Variants in DOK5 observed in about 807,000 individuals in gnomAD.
DOK5 encodes downstream of tyrosine kinase 5.
In DOK5, 27 loss-of-function variants were observed where a neutral mutation model predicts 43.3. That is an observed-to-expected ratio of 0.62 (90% CI 0.46 to 0.86). DOK5 has a LOEUF of 0.86. DOK5 is among the 40% of genes least tolerant of loss of function. The pLI, the probability that DOK5 is intolerant of heterozygous loss-of-function variation, is 0.00. For synonymous variants in DOK5, 146 were observed against 140.1 expected, an observed-to-expected ratio of 1.04 and a Z score of -0.30; for missense variants, 373 against 392.9, an observed-to-expected ratio of 0.95 and a Z score of 0.43.
At chr20:54,613,145 G>T (rs1986703310) in intron 6 of DOK5, among the ~76,000 whole-genome samples, 1 of 152,020 alleles carries the variant, frequency 6.6e-6, no homozygotes, top group Non-Finnish European at 1.5e-5. Flanking sequence ...AAAATGGCTG[G>T]AGGATTATCT....
intron 6 of DOK5, among the ~76,000 whole-genome samples, chr20:54,637,414 G>T (rs1198717384): frequency 6.6e-6 from 1 of 152,188 alleles, no homozygotes; most frequent in African/African-American, 2.4e-5. Flanking sequence ...TACTCTTGTG[G>T]GATCTTGAGC....
rs572306032 is a variant in DOK5, at chr20:54,547,234, A to G, written c.67-7699A>G. On this transcript the variant is annotated intron_variant, in intron 1 of 7. Coordinates refer to ENST00000262593, the MANE Select transcript of DOK5 (RefSeq NM_018431.5). ...ATTTGCTGAGTTGAGTAGTTGCAAT[A>G]GCGACCTGGGGGCTCTCAAAGATTA... Among the ~76,000 whole-genome samples, 10 of 152,312 alleles carry G rather than the reference A, an allele frequency of 6.6e-5. No individual in the cohort carries two copies. In the East Asian group the frequency reaches 1.9e-3, roughly 29 times the overall value.
At chr20:54,628,098 C>G (rs919053681) in intron 6 of DOK5, among the ~76,000 whole-genome samples, 1 of 152,160 alleles carries the variant, frequency 6.6e-6, no homozygotes, top group African/African-American at 2.4e-5. Flanking sequence ...TTCATCACAT[C>G]GGCGCTAGCC....
chr20:54,509,165 C>T (rs924981654), intron 1 of DOK5, among the ~76,000 whole-genome samples: 7 of 152,034 alleles, frequency 4.6e-5, no homozygotes, highest in Admixed American at 1.3e-4. Context: ...TGTGAGCCAC[C>T]GCACCCGGCC....
intron 7 of DOK5, among the ~76,000 whole-genome samples, chr20:54,644,718 A>AACAAAAAAAAAAAAAAAC (rs1979306870): frequency 7.0e-6 from 1 of 142,500 alleles, no homozygotes; most frequent in African/African-American, 2.9e-5. Flanking sequence ...AAAAAAAAAA[A>AACAAAAAAAAAAAAAAAC]AAAAAACAAA....
At chr20:54,618,173 T>A (rs997648318) in intron 6 of DOK5, among the ~76,000 whole-genome samples, 1 of 152,182 alleles carries the variant, frequency 6.6e-6, no homozygotes, top group African/African-American at 2.4e-5. Flanking sequence ...ATGTTCAGCA[T>A]GGCGAAGTCA....
chr20:54,584,296 T>A (rs994335224), intron 2 of DOK5, among the ~76,000 whole-genome samples: 2 of 151,862 alleles, frequency 1.3e-5, no homozygotes, highest in Non-Finnish European at 2.9e-5. Context: ...TTCTTTAGGG[T>A]CATATTTTGA....
intron 5 of DOK5, among the ~76,000 whole-genome samples, chr20:54,593,935 G>A (rs1400385120): frequency 6.6e-6 from 1 of 152,168 alleles, no homozygotes; most frequent in Admixed American, 6.5e-5. Context: ...ATAAGTGGGA[G>A]TTAAATCATG....
Position 54,650,442 on chromosome 20 carries a change from G to A in DOK5, c.884G>A (p.Arg295Gln), listed in dbSNP as rs142008881. 42 of 1,613,920 alleles carry A rather than the reference G, an allele frequency of 2.6e-5. 2 individuals are homozygous for A. The African/African-American group carries it at 4.7e-4, about 18-fold the overall frequency. Residue 295 changes from arginine (R) to glutamine (Q), a missense_variant, in exon 8 of 8, where the codon CGA (arginine) becomes CAA (glutamine). Arg to Gln is a conservative substitution (Grantham distance 43). Coordinates refer to ENST00000262593, the MANE Select transcript of DOK5 (RefSeq NM_018431.5). ...GTTTCCAGCCCTCTGAAGCTTCATC[G>A]AACAGAGACTTTTCCAGCCTACAGA... ...QDVSSPLKLHRTETFPAYRSE... is the reference protein window; with the variant it reads ...QDVSSPLKLHQTETFPAYRSE...
chr20:54,542,996 G>C (rs1478333298), intron 1 of DOK5, among the ~76,000 whole-genome samples: 1 of 152,164 alleles, frequency 6.6e-6, no homozygotes, highest in Non-Finnish European at 1.5e-5. Context: ...TTAGAGTAGA[G>C]TAGCATAGAG....
At chr20:54,602,680 A>AATG (rs1986333339) in intron 5 of DOK5, among the ~76,000 whole-genome samples, 1 of 152,030 alleles carries the variant, frequency 6.6e-6, no homozygotes, top group Non-Finnish European at 1.5e-5. Flanking sequence ...ACAATTTTTT[A>AATG]ATGTATTTTT....
At chr20:54,640,976 A>T (rs1159952569) in intron 6 of DOK5, among the ~76,000 whole-genome samples, 2 of 152,194 alleles carry the variant, frequency 1.3e-5, no homozygotes, top group African/African-American at 2.4e-5. Flanking sequence ...GAAGCTGACG[A>T]GGTGAGGGAT....
chr20:54,650,516 T>A lies in DOK5; in HGVS notation c.*37T>A, dbSNP rs1979647726. On this transcript the variant is annotated 3_prime_UTR_variant, in exon 8 of 8. Transcript: ENST00000262593. Reference sequence around the variant, plus strand: ...AAGAATTGTTAACACACTTGTGATGTGTCAGCCACAGATTCACCCAGGAGG... The same window carrying A: ...AAGAATTGTTAACACACTTGTGATGAGTCAGCCACAGATTCACCCAGGAGG... The A allele has an allele frequency of 6.3e-7, 1 of 1,596,920 alleles. No homozygotes were observed. The highest frequency in any genetic ancestry group is 1.7e-5 in the Admixed American group (1 of 59,446).
intron 1 of DOK5, among the ~76,000 whole-genome samples, chr20:54,518,472 G>GCATAGTATT (rs769503352): frequency 1.2e-3 from 182 of 152,244 alleles, no homozygotes; most frequent in African/African-American, 4.1e-3. Context: ...TTTTATGGCT[G>GCATAGTATT]CATAGTATTC....
At chr20:54,496,396 A>G (rs1982392433) in intron 1 of DOK5, among the ~76,000 whole-genome samples, 1 of 152,234 alleles carries the variant, frequency 6.6e-6, no homozygotes, top group African/African-American at 2.4e-5. Context: ...CTAGAGAGGC[A>G]TGCAAGTGAA....
At chr20:54,604,316 A>G (rs780857795) in intron 5 of DOK5, among the ~76,000 whole-genome samples, 4 of 141,276 alleles carry the variant, frequency 2.8e-5, no homozygotes, top group Admixed American at 2.1e-4. Context: ...TTTTTTTTTT[A>G]CTTTTAATTT....
chr20:54,535,910 G>A (rs747482828), intron 1 of DOK5, among the ~76,000 whole-genome samples: 2 of 152,058 alleles, frequency 1.3e-5, no homozygotes, highest in Non-Finnish European at 2.9e-5. Flanking sequence ...GAAATGTCAG[G>A]CCTATTCTGA....
In DOK5 at chr20:54,505,280, C is replaced by T. The variant is rs1253712693; in HGVS notation, c.66+29268C>T. Among the ~76,000 whole-genome samples, 18 of 152,128 alleles carry T rather than the reference C, an allele frequency of 1.2e-4. No homozygotes were observed. The East Asian group carries it at 1.6e-3, about 13-fold the overall frequency. ...GCTTGTTTTTGCAAATAAACTTTCACGGGAACACAGCCATACCCATTAGTT... is the reference window on the plus strand; with the variant it reads ...GCTTGTTTTTGCAAATAAACTTTCATGGGAACACAGCCATACCCATTAGTT... On this transcript the variant is annotated intron_variant, in intron 1 of 7. Transcript: ENST00000262593.
intron 1 of DOK5, among the ~76,000 whole-genome samples, chr20:54,485,097 C>T (rs1346426762): frequency 2.6e-5 from 4 of 152,102 alleles, no homozygotes; most frequent in African/African-American, 4.8e-5. Context: ...TTTGGGAGGC[C>T]GAGGCGGGCA....
Sources: allele counts gnomAD v4.1 joint callset (sites outside exome capture counted in the v4.1 genomes callset), GRCh38; gene constraint gnomAD v4.1.1; transcripts MANE v1.5; gene names NCBI Gene and HGNC (gene_info 2026-07-23, HGNC 2026-07-21).